Variants in FMNL2 observed in about 807,000 individuals in gnomAD.
The protein encoded by FMNL2 is formin-like protein 2.
In FMNL2, 51 loss-of-function variants were observed where a neutral mutation model predicts 130.2. The observed-to-expected ratio is 0.39, with a 90% CI of 0.31 to 0.49. FMNL2 has a LOEUF of 0.49. Ranked by LOEUF, FMNL2 falls within the 20% of genes least tolerant of loss-of-function variation. The pLI is 0.85. For missense variants in FMNL2, 977 were observed against 1,316.2 expected (o/e 0.74, Z 3.99); for synonymous variants, 465 against 467.1 (o/e 1.00, Z 0.06).
At chr2:152,561,785 C>T (rs1695546234) in intron 6 of FMNL2, among the ~76,000 whole-genome samples, 2 of 152,064 alleles carry the variant, frequency 1.3e-5, no homozygotes, top group South Asian at 2.1e-4. Context: ...ACAATGTTGG[C>T]CAGGCTGGTC....
chr2:152,567,984 T>C (rs757327209), intron 6 of FMNL2, among the ~76,000 whole-genome samples: 2 of 152,204 alleles, frequency 1.3e-5, no homozygotes, highest in Non-Finnish European at 2.9e-5. Context: ...AAAACCTTTT[T>C]GCTAGACTCC....
At position 152,590,009 on chromosome 2, in the gene FMNL2, A is replaced by G. The variant is rs1294681446; in HGVS notation, c.876+8960A>G. Among the ~76,000 whole-genome samples, 1,041 of 121,284 alleles carry G rather than the reference A, an allele frequency of 8.6e-3. 20 individuals carry two copies. Among genetic ancestry groups the G allele is most frequent in the African/African-American group, 0.031 (992 of 31,842 alleles). 79.6% of individuals were successfully genotyped at this position (121,284 alleles called of 152,430 possible). Reference sequence around the variant, plus strand: ...TGTATATGTATATGTATATATATATACATATACATATATATATACATATAC... The same window carrying G: ...TGTATATGTATATGTATATATATATGCATATACATATATATATACATATAC... On this transcript the variant is annotated intron_variant, in intron 9 of 25. Coordinates refer to ENST00000288670, the MANE Select transcript of FMNL2 (RefSeq NM_052905.4).
At chr2:152,365,628 C>A (rs2105836413) in intron 1 of FMNL2, among the ~76,000 whole-genome samples, 1 of 152,138 alleles carries the variant, frequency 6.6e-6, no homozygotes. Flanking sequence ...AAAAAATTAG[C>A]TGGGTGTGGT....
intron 1 of FMNL2, among the ~76,000 whole-genome samples, chr2:152,478,025 T>C (rs1013050980): frequency 6.6e-6 from 1 of 151,520 alleles, no homozygotes; most frequent in Admixed American, 6.6e-5. Context: ...TCACAAGTGG[T>C]GGTTAAATTT....
intron 6 of FMNL2, among the ~76,000 whole-genome samples, chr2:152,568,126 C>G (rs1344852157): frequency 1.3e-5 from 2 of 151,818 alleles, no homozygotes; most frequent in Non-Finnish European, 2.9e-5. Context: ...GTCTAAATGT[C>G]TAGAAATAAG....
At chr2:152,555,623 A>G (rs1042402651) in intron 4 of FMNL2, among the ~76,000 whole-genome samples, 2 of 152,192 alleles carry the variant, frequency 1.3e-5, no homozygotes, top group Non-Finnish European at 2.9e-5. Context: ...TCTTCCTTGC[A>G]CCCAATTTCT....
chr2:152,404,428 A>G (rs1418082465), intron 1 of FMNL2, among the ~76,000 whole-genome samples: 1 of 152,176 alleles, frequency 6.6e-6, no homozygotes, highest in Non-Finnish European at 1.5e-5. Context: ...ATAATGAAAT[A>G]TATATCATCT....
At chr2:152,427,544 T>TA (rs1482656267) in intron 1 of FMNL2, among the ~76,000 whole-genome samples, 1 of 152,132 alleles carries the variant, frequency 6.6e-6, no homozygotes, top group Non-Finnish European at 1.5e-5. Context: ...GACTCCTTCT[T>TA]AAAAAATAAA....
Position 152,626,514 on chromosome 2 carries a change from C to G in FMNL2, c.1963-11C>G. The G allele has an allele frequency of 1.3e-6, 2 of 1,587,672 alleles. No homozygotes were observed. The highest frequency in any genetic ancestry group is 1.2e-5 in the South Asian group (1 of 86,558). On this transcript the variant is annotated splice_polypyrimidine_tract_variant and intron_variant, in intron 16 of 25. Transcript: ENST00000288670. Reference sequence around the variant, plus strand: ...AATCCAATTTTCCATGGTCATTCCTCTCTATCTTAGGATTTAAATGTGGAT... The same window carrying G: ...AATCCAATTTTCCATGGTCATTCCTGTCTATCTTAGGATTTAAATGTGGAT...
Position 152,640,962 on chromosome 2 carries a change from A to G in FMNL2, c.3169+48A>G, listed in dbSNP as rs371854629. 35 of 1,607,920 alleles carry G rather than the reference A, an allele frequency of 2.2e-5. No homozygotes were observed. In the African/African-American group the frequency reaches 4.0e-4, roughly 18 times the overall value. On this transcript the variant is annotated intron_variant, in intron 25 of 25. Transcript: ENST00000288670. The stretch of plus-strand genomic sequence containing the variant: ...GGCCCATGGAGATCCCACTGGCCTC[A>G]CCTAGACTGGGATGCATGCAGATTT...
In FMNL2 at chr2:152,350,897, C is replaced by T. The variant is rs905078925; in HGVS notation, c.117+15177C>T. ...CTGTCTCTATTATAAATACAAAAAT[C>T]GGCCGGGTATGGTGGCGCGCACTTG... On this transcript the variant is annotated intron_variant, in intron 1 of 25. Transcript: ENST00000288670. Among the ~76,000 whole-genome samples the T allele has an allele frequency of 7.2e-5, 11 of 151,928 alleles. No homozygotes were observed. The East Asian group carries it at 1.7e-3, about 24-fold the overall frequency.
At chr2:152,491,156 A>G (rs1430489106) in intron 1 of FMNL2, among the ~76,000 whole-genome samples, 2 of 152,152 alleles carry the variant, frequency 1.3e-5, no homozygotes, top group Admixed American at 6.5e-5. Flanking sequence ...TCCCATTGTT[A>G]TGTGAAAAAA....
At chr2:152,555,793 C>G (rs190930719) in intron 4 of FMNL2, among the ~76,000 whole-genome samples, 8 of 152,334 alleles carry the variant, frequency 5.3e-5, no homozygotes, top group Admixed American at 2.0e-4. Flanking sequence ...TTCAACTTTC[C>G]AAAACCTATA....
chr2:152,398,237 A>G (rs530600263), intron 1 of FMNL2, among the ~76,000 whole-genome samples: 167 of 152,344 alleles, frequency 1.1e-3, no homozygotes, highest in Non-Finnish European at 2.0e-3. Flanking sequence ...TAGCCTGTGA[A>G]TAAGGCAAAT....
intron 6 of FMNL2, among the ~76,000 whole-genome samples, chr2:152,565,868 C>T (rs1193479375): frequency 6.6e-6 from 1 of 152,136 alleles, no homozygotes; most frequent in East Asian, 1.9e-4. Context: ...CAGCCTCAAC[C>T]TCCTGGGCTC....
chr2:152,351,101 G>A (rs917666810), intron 1 of FMNL2, among the ~76,000 whole-genome samples: 9 of 152,112 alleles, frequency 5.9e-5, no homozygotes, highest in African/African-American at 2.2e-4. Context: ...TGAAAGTTGT[G>A]TATAGTTAAA....
chr2:152,488,268 G>A (rs1690951567), intron 1 of FMNL2, among the ~76,000 whole-genome samples: 1 of 152,206 alleles, frequency 6.6e-6, no homozygotes, highest in African/African-American at 2.4e-5. Flanking sequence ...GTGGGTGGTT[G>A]TAGCAAGTGT....
intron 1 of FMNL2, among the ~76,000 whole-genome samples, chr2:152,389,448 A>G (rs527468128): frequency 1.5e-4 from 23 of 152,178 alleles, no homozygotes; most frequent in Non-Finnish European, 2.4e-4. Context: ...AAACCATTAC[A>G]TTTAGGGGTT....
At chr2:152,546,205 G>T (rs1694622819) in intron 3 of FMNL2, among the ~76,000 whole-genome samples, 1 of 152,144 alleles carries the variant, frequency 6.6e-6, no homozygotes, top group Non-Finnish European at 1.5e-5. Flanking sequence ...CCTTTGTGTT[G>T]CTATAAAGAA....
Sources: allele counts gnomAD v4.1 joint callset (sites outside exome capture counted in the v4.1 genomes callset), GRCh38; gene constraint gnomAD v4.1.1; transcripts MANE v1.5; gene names NCBI Gene and HGNC (gene_info 2026-07-23, HGNC 2026-07-21).